The following GSG1L variants were observed in gnomAD, a reference collection of about 807,000 sequenced individuals.
GSG1L encodes germ cell-specific gene 1-like protein.
In GSG1L, 24 loss-of-function variants were observed where a neutral mutation model predicts 42.1. The observed-to-expected ratio is 0.57, with a 90% CI of 0.41 to 0.80. The LOEUF (loss-of-function observed/expected upper bound fraction) is 0.80. Ranked by LOEUF, GSG1L falls within the 30% of genes least tolerant of loss-of-function variation. GSG1L has a pLI of 0.00. For missense variants in GSG1L, 445 were observed against 472.2 expected, an observed-to-expected ratio of 0.94 and a Z score of 0.53; for synonymous variants, 215 against 203.5, an observed-to-expected ratio of 1.06 and a Z score of -0.48.
chr16:27,940,474 C>A (rs1213582328), intron 2 of GSG1L, among the ~76,000 whole-genome samples: 1 of 145,026 alleles, frequency 6.9e-6, no homozygotes, highest in Non-Finnish European at 1.5e-5. Context: ...CAATAATAGA[C>A]TGGATTAAGA....
At chr16:27,900,182 C>A (rs747496354) in intron 2 of GSG1L, among the ~76,000 whole-genome samples, 1 of 152,228 alleles carries the variant, frequency 6.6e-6, no homozygotes, top group African/African-American at 2.4e-5. Flanking sequence ...CCTCCAGGAA[C>A]CCCAAATTGA....
intron 2 of GSG1L, among the ~76,000 whole-genome samples, chr16:27,909,231 T>C (rs1375809414): frequency 6.6e-6 from 1 of 152,152 alleles, no homozygotes; most frequent in Non-Finnish European, 1.5e-5. Flanking sequence ...TTTTTCTGCC[T>C]TGTGAGACTT....
At chr16:27,987,732 A>G (rs147840747) in intron 1 of GSG1L, among the ~76,000 whole-genome samples, 1 of 152,082 alleles carries the variant, frequency 6.6e-6, no homozygotes, top group African/African-American at 2.4e-5. Context: ...GCGGATCACG[A>G]GGTCAGGAAA....
chr16:27,985,500 C>T (rs576533437), intron 1 of GSG1L, among the ~76,000 whole-genome samples: 18 of 152,294 alleles, frequency 1.2e-4, no homozygotes, highest in Non-Finnish European at 8.8e-5. Flanking sequence ...ACGATGCTTT[C>T]CGCTCAGCCT....
chr16:28,034,435 C>T (rs111548969), intron 1 of GSG1L, among the ~76,000 whole-genome samples: 6,235 of 152,256 alleles, frequency 0.041, 412 homozygotes, highest in African/African-American at 0.14. Context: ...TTTCTACTGG[C>T]TTATGTGAAG....
intron 1 of GSG1L, among the ~76,000 whole-genome samples, chr16:27,979,773 A>AGAAAGAAG (rs2085303519): frequency 1.4e-5 from 2 of 140,306 alleles, no homozygotes; most frequent in Non-Finnish European, 3.1e-5. Flanking sequence ...AAAGAAGGAA[A>AGAAAGAAG]GAAAGAAAGA....
At chr16:28,010,907 T>C (rs931014834) in intron 1 of GSG1L, among the ~76,000 whole-genome samples, 1 of 152,162 alleles carries the variant, frequency 6.6e-6, no homozygotes, top group Non-Finnish European at 1.5e-5. Flanking sequence ...AGTTACATGA[T>C]GTCTCCCCTG....
chr16:27,939,546 A>G (rs896396568), intron 2 of GSG1L, among the ~76,000 whole-genome samples: 7 of 152,194 alleles, frequency 4.6e-5, no homozygotes, highest in African/African-American at 1.7e-4. Context: ...ACAGAATGAC[A>G]CACTGGTCAG....
chr16:27,989,681 A>G (rs1189450648), intron 1 of GSG1L, among the ~76,000 whole-genome samples: 1 of 151,730 alleles, frequency 6.6e-6, no homozygotes, highest in African/African-American at 2.4e-5. Flanking sequence ...CAGAGGTTGC[A>G]GTGTGCTGAG....
chr16:28,032,145 G>C (rs1306489893), intron 1 of GSG1L, among the ~76,000 whole-genome samples: 1 of 152,208 alleles, frequency 6.6e-6, no homozygotes, highest in African/African-American at 2.4e-5. Flanking sequence ...GAGCACCTCT[G>C]ACTTTCAGGG....
At chr16:28,012,435 G>A (rs151316528) in intron 1 of GSG1L, among the ~76,000 whole-genome samples, 4 of 152,168 alleles carry the variant, frequency 2.6e-5, no homozygotes, top group East Asian at 1.9e-4. Context: ...GTGGTGAACC[G>A]GTGACAATAT....
At chr16:28,007,255 A>G (rs912518324) in intron 1 of GSG1L, among the ~76,000 whole-genome samples, 1 of 152,210 alleles carries the variant, frequency 6.6e-6, no homozygotes, top group African/African-American at 2.4e-5. Context: ...GAGAGAAGCC[A>G]GAGAATCAAA....
chr16:27,986,841 C>T (rs1321187548), intron 1 of GSG1L, among the ~76,000 whole-genome samples: 1 of 152,224 alleles, frequency 6.6e-6, no homozygotes, highest in African/African-American at 2.4e-5. Flanking sequence ...TTCGTTGGTC[C>T]TATTTGTTAA....
At chr16:27,830,179 T>G (rs184138006) in intron 4 of GSG1L, among the ~76,000 whole-genome samples, 124 of 152,338 alleles carry the variant, frequency 8.1e-4, no homozygotes, top group African/African-American at 2.8e-3. Context: ...GTGGGGTACC[T>G]GCCTGGCCTC....
chr16:27,905,602 G>A (rs960296371), intron 2 of GSG1L, among the ~76,000 whole-genome samples: 5 of 152,148 alleles, frequency 3.3e-5, no homozygotes, highest in African/African-American at 7.2e-5. Context: ...ACATGAGCCA[G>A]CACCTTTAAG....
chr16:27,844,843 T>TTTCC, intron 4 of GSG1L, 107 bp downstream of exon 4: 2 of 258,008 alleles, frequency 7.8e-6, no homozygotes, highest in Non-Finnish European at 1.6e-5. Flanking sequence ...TCTCCCCATT[T>TTTCC]CTCCTCCCCC....
At chr16:27,955,904 GGAAGGAAGGAAGGAAGGAAGGAAA>G (rs1438680519) in intron 2 of GSG1L, among the ~76,000 whole-genome samples, 14 of 146,092 alleles carry the variant, frequency 9.6e-5, no homozygotes, top group African/African-American at 3.7e-4. Context: ...AAGGAAGGAA[GGAAGGAAGGAAGGAAGGAAGGAAA>G]GAAGGAAGGA....
intron 2 of GSG1L, among the ~76,000 whole-genome samples, chr16:27,905,499 T>A (rs2084310675): frequency 6.6e-6 from 1 of 151,876 alleles, no homozygotes; most frequent in African/African-American, 2.4e-5. Context: ...TATTTTTTTG[T>A]AGAGACAGGG....
chr16:27,838,093 T>C (rs1315199516), intron 4 of GSG1L, among the ~76,000 whole-genome samples: 1 of 152,218 alleles, frequency 6.6e-6, no homozygotes. Flanking sequence ...ATCCTTAGTG[T>C]TTGTTTTTTA....
Sources: gnomAD v4.1 joint callset for allele counts (sites outside exome capture counted in the v4.1 genomes callset) on GRCh38, gnomAD v4.1.1 for gene constraint, MANE v1.5 for transcripts, NCBI Gene and HGNC (gene_info 2026-07-23, HGNC 2026-07-21) for gene names.